NRG1: variants seen among roughly 807,000 people sequenced by gnomAD.
NRG1 encodes the protein neuregulin 1.
NRG1 carries 18 observed loss-of-function variants against 63.8 expected under a neutral mutation model. That is an observed-to-expected ratio of 0.28 (90% CI 0.19 to 0.42). The LOEUF (loss-of-function observed/expected upper bound fraction) is 0.42, where lower values mean the gene tolerates loss of function less well. Among genes scored for constraint, NRG1 ranks in the 10% least tolerant of loss-of-function variants. The pLI is 1.00. For synonymous variants in NRG1, 302 were observed against 301.3 expected, an observed-to-expected ratio of 1.00 and a Z score of -0.02; for missense variants, 762 against 814.7, an observed-to-expected ratio of 0.94 and a Z score of 0.79.
At chr8:32,304,491 T>C (rs1465761896) in intron 1 of NRG1, among the ~76,000 whole-genome samples, 2 of 152,140 alleles carry the variant, frequency 1.3e-5, no homozygotes, top group South Asian at 2.1e-4. Flanking sequence ...AGAGCAGATA[T>C]AATGAAATTG....
intron 8 of NRG1, among the ~76,000 whole-genome samples, chr8:32,754,911 C>A (rs990003456): frequency 2.6e-5 from 4 of 152,110 alleles, no homozygotes; most frequent in Non-Finnish European, 5.9e-5. Flanking sequence ...ATTCAGGGTG[C>A]AGTAGTACCT....
intron 5 of NRG1, among the ~76,000 whole-genome samples, chr8:32,645,842 A>G (rs1465393294): frequency 1.3e-5 from 2 of 152,224 alleles, no homozygotes; most frequent in Non-Finnish European, 2.9e-5. Flanking sequence ...TGTGGTCTGT[A>G]TTAAGAACAG....
chr8:31,802,816 C>T (rs1011603758), intron 1 of NRG1, among the ~76,000 whole-genome samples: 1 of 152,068 alleles, frequency 6.6e-6, no homozygotes, highest in African/African-American at 2.4e-5. Flanking sequence ...ATGCAGGGAA[C>T]AATATGGATC....
At chr8:31,904,684 T>C (rs1173429334) in intron 1 of NRG1, among the ~76,000 whole-genome samples, 1 of 152,144 alleles carries the variant, frequency 6.6e-6, no homozygotes, top group Non-Finnish European at 1.5e-5. Flanking sequence ...CATCATCAAA[T>C]ACTATGCAGT....
intron 1 of NRG1, among the ~76,000 whole-genome samples, chr8:31,825,943 T>C (rs1262929113): frequency 6.6e-6 from 1 of 152,190 alleles, no homozygotes; most frequent in Non-Finnish European, 1.5e-5. Context: ...TTTGAAGAGC[T>C]TGTGCTTCCT....
chr8:32,548,495 G>A (rs1365012768), exon 1 of NRG1: 2 of 1,215,414 alleles, frequency 1.6e-6, no homozygotes, highest in Non-Finnish European at 2.0e-6. Flanking sequence ...GGCGACAGGA[G>A]CAGCCCCGAG....
At chr8:32,671,616 C>G (rs2439316) in intron 5 of NRG1, among the ~76,000 whole-genome samples, 147,070 of 152,308 alleles carry the variant, frequency 0.97, 71,237 homozygotes, top group East Asian at 1. Context: ...CCAATTTCTT[C>G]CACCTTTTTC....
chr8:31,677,785 A>G (rs1313894991), intron 1 of NRG1, among the ~76,000 whole-genome samples: 4 of 152,254 alleles, frequency 2.6e-5, no homozygotes, highest in South Asian at 2.1e-4. Context: ...ATACCATTCA[A>G]TCCTGGTGAT....
chr8:32,450,397 A>T (rs1281523565), intron 1 of NRG1, among the ~76,000 whole-genome samples: 1 of 151,982 alleles, frequency 6.6e-6, no homozygotes, highest in Non-Finnish European at 1.5e-5. Context: ...CCTGGGTGAC[A>T]CAGTGAGACC....
intron 1 of NRG1, among the ~76,000 whole-genome samples, chr8:32,150,057 C>T (rs1416959207): frequency 6.6e-6 from 1 of 152,092 alleles, no homozygotes; most frequent in Non-Finnish European, 1.5e-5. Context: ...TTACCATATC[C>T]ATTTGCTTAT....
At chr8:32,724,815 T>C (rs1035193557) in intron 5 of NRG1, among the ~76,000 whole-genome samples, 1 of 152,184 alleles carries the variant, frequency 6.6e-6, no homozygotes, top group Non-Finnish European at 1.5e-5. Context: ...TCCATAACTG[T>C]ATGAGATACT....
intron 5 of NRG1, among the ~76,000 whole-genome samples, chr8:32,702,717 C>T (rs954529491): frequency 3.9e-5 from 6 of 152,120 alleles, no homozygotes; most frequent in Non-Finnish European, 8.8e-5. Context: ...TAATTCCTGA[C>T]CTGATCTGCC....
At chr8:31,922,793 A>G (rs546855352) in intron 1 of NRG1, among the ~76,000 whole-genome samples, 3 of 152,298 alleles carry the variant, frequency 2.0e-5, no homozygotes, top group Non-Finnish European at 4.4e-5. Context: ...TTGAAAGTCT[A>G]TTATGTGCCA....
intron 1 of NRG1, among the ~76,000 whole-genome samples, chr8:32,476,396 G>T (rs2129491877): frequency 6.6e-6 from 1 of 152,278 alleles, no homozygotes; most frequent in African/African-American, 2.4e-5. Flanking sequence ...GTGCTCATAG[G>T]CATCAAGAAT....
At chr8:32,441,381 C>G (rs1282322017) in intron 1 of NRG1, 3 of 152,050 alleles carry the variant, frequency 2.0e-5, no homozygotes, top group Admixed American at 1.3e-4. Context: ...AACGTGCTAG[C>G]CTTCCTGTCA....
intron 1 of NRG1, among the ~76,000 whole-genome samples, chr8:32,303,091 A>G (rs1189826357): frequency 1.4e-5 from 2 of 147,286 alleles, no homozygotes; most frequent in Non-Finnish European, 3.0e-5. Context: ...CTGAGGCAGG[A>G]GAATCACTTG....
intron 1 of NRG1, among the ~76,000 whole-genome samples, chr8:32,523,159 C>T (rs1319584344): frequency 6.6e-6 from 1 of 152,116 alleles, no homozygotes; most frequent in Non-Finnish European, 1.5e-5. Context: ...ATGCCTGGGT[C>T]AAGGACCTCT....
chr8:32,506,723 G>A (rs1828573569), intron 1 of NRG1, among the ~76,000 whole-genome samples: 1 of 151,740 alleles, frequency 6.6e-6, no homozygotes, highest in African/African-American at 2.4e-5. Flanking sequence ...GTATGTGGGG[G>A]GATCTTTTTG....
At chr8:32,773,338 G>A (rs1212728844) in intron 7 of NRG1, among the ~76,000 whole-genome samples, 1 of 152,088 alleles carries the variant, frequency 6.6e-6, no homozygotes, top group Non-Finnish European at 1.5e-5. Flanking sequence ...TCTCTAGCCA[G>A]GACTGTGAAG....
Sources: gnomAD v4.1 joint callset for allele counts (sites outside exome capture counted in the v4.1 genomes callset) on GRCh38, gnomAD v4.1.1 for gene constraint, MANE v1.5 for transcripts, NCBI Gene and HGNC (gene_info 2026-07-23, HGNC 2026-07-21) for gene names.